SCIN: variants seen among roughly 807,000 people sequenced by gnomAD.
SCIN encodes the protein scinderin, also known as adseverin.
Under a neutral mutation model 91.8 loss-of-function variants are expected in SCIN, and 91 were observed. The ratio of observed to expected loss-of-function variants is 0.99; its 90% CI spans 0.84 to 1.18. The LOEUF is 1.18. Ranked by LOEUF, SCIN falls within the 50% of genes most tolerant of loss-of-function variation. The pLI, the probability that SCIN is intolerant of heterozygous loss-of-function variation, is 0.00. For missense variants in SCIN, 1,087 were observed against 863.9 expected (o/e 1.26, Z -3.24); for synonymous variants, 367 against 312.6 (o/e 1.17, Z -1.84).
intron 4 of SCIN, 111 bp downstream of exon 4, chr7:12,604,774 T>C: frequency 2.8e-5 from 22 of 782,596 alleles, no homozygotes; most frequent in Non-Finnish European, 4.2e-5. Flanking sequence ...GGAAAGAGAT[T>C]CAACACATGT....
chr7:12,598,845 C>T (rs1782896950), intron 3 of SCIN, among the ~76,000 whole-genome samples: 1 of 151,982 alleles, frequency 6.6e-6, no homozygotes, highest in African/African-American at 2.4e-5. Flanking sequence ...GAGGCAGAAG[C>T]TGCAGCGAGC....
At chr7:12,572,359 C>T (rs1782288583) in intron 1 of SCIN, among the ~76,000 whole-genome samples, 2 of 152,188 alleles carry the variant, frequency 1.3e-5, no homozygotes, top group Non-Finnish European at 2.9e-5. Context: ...TTTGTATTTT[C>T]TGCCAGAAAA....
At position 12,622,853 on chromosome 7, in the gene SCIN, T is replaced by C. The variant is rs758097506; in HGVS notation, c.719T>C (p.Ile240Thr). 9.9e-6 allele frequency: 16 copies of C among 1,613,122 alleles called. No homozygotes were observed. The African/African-American group carries it at 1.5e-4, about 15-fold the overall frequency. Residue 240 changes from isoleucine to threonine, a missense_variant, in exon 5 of 16, where the codon ATA (isoleucine) becomes ACA (threonine). Coordinates refer to ENST00000297029, the MANE Select transcript of SCIN (RefSeq NM_001112706.3). ...LPDGGDDDDI[I>T]ADISNRKMAK... ...GATGGAGGTGATGATGATGACATTA[T>C]AGCAGACATAAGTAACAGGAAAATG... is the stretch of plus-strand genomic sequence containing the variant.
At chr7:12,593,345 G>T (rs534480670) in intron 3 of SCIN, among the ~76,000 whole-genome samples, 24 of 152,202 alleles carry the variant, frequency 1.6e-4, no homozygotes, top group Admixed American at 7.2e-4. Context: ...TGAAAGCCAG[G>T]TTAAGGAGGT....
intron 10 of SCIN, among the ~76,000 whole-genome samples, chr7:12,639,921 G>T (rs1783824006): frequency 6.6e-6 from 1 of 152,168 alleles, no homozygotes; most frequent in African/African-American, 2.4e-5. Context: ...TTCTGAACCA[G>T]ATCCAAAACA....
chr7:12,618,837 G>T (rs1783350110), intron 4 of SCIN, among the ~76,000 whole-genome samples: 1 of 152,104 alleles, frequency 6.6e-6, no homozygotes, highest in Non-Finnish European at 1.5e-5. Flanking sequence ...CTTGGAACCT[G>T]TGAGCTGATT....
chr7:12,636,199 A>G, intron 10 of SCIN, 64 bp downstream of exon 10: 2 of 1,144,252 alleles, frequency 1.7e-6, no homozygotes, highest in Non-Finnish European at 2.6e-6. Flanking sequence ...ATGGATAGCT[A>G]TAGCTCCCTC....
chr7:12,598,925 G>C (rs980898427), intron 3 of SCIN, among the ~76,000 whole-genome samples: 2 of 150,698 alleles, frequency 1.3e-5, no homozygotes, highest in African/African-American at 2.4e-5. Flanking sequence ...AAGAGAGAGA[G>C]AAAGAAAAAA....
chr7:12,596,052 GA>G (rs1484025934), intron 3 of SCIN, among the ~76,000 whole-genome samples: 1 of 152,182 alleles, frequency 6.6e-6, no homozygotes, highest in Non-Finnish European at 1.5e-5. Flanking sequence ...GGAAGGAAAA[GA>G]AAGGAACGTA....
chr7:12,588,471 G>C (rs1418856729), intron 3 of SCIN, among the ~76,000 whole-genome samples: 1 of 152,098 alleles, frequency 6.6e-6, no homozygotes, highest in African/African-American at 2.4e-5. Flanking sequence ...AAGGACGAGA[G>C]AGAGACCCAA....
intron 3 of SCIN, among the ~76,000 whole-genome samples, chr7:12,602,981 G>A (rs1392810143): frequency 6.6e-6 from 1 of 152,142 alleles, no homozygotes. Flanking sequence ...AGTGATAAAT[G>A]TCCATGAAAT....
chr7:12,574,833 C>A (rs1417835256), intron 1 of SCIN, among the ~76,000 whole-genome samples: 1 of 152,088 alleles, frequency 6.6e-6, no homozygotes, highest in Non-Finnish European at 1.5e-5. Context: ...GCCTGCGCCT[C>A]ACTATATAAA....
At chr7:12,571,230 G>T in intron 1 of SCIN, 1 of 548,928 alleles carries the variant, frequency 1.8e-6, no homozygotes, top group Non-Finnish European at 3.2e-6. Flanking sequence ...CCTTTGCCAG[G>T]TGTAGTTCCT....
At chr7:12,601,003 A>T (rs1398235375) in intron 3 of SCIN, among the ~76,000 whole-genome samples, 1 of 152,204 alleles carries the variant, frequency 6.6e-6, no homozygotes, top group Non-Finnish European at 1.5e-5. Context: ...AAAGAGGTTA[A>T]AAAGAAGCAA....
rs1310433069 is a variant in SCIN at position 12,626,628 on chromosome 7, G to T, written c.1026G>T (p.Gln342His). 2 of 1,552,314 alleles carry T rather than the reference G, an allele frequency of 1.3e-6. No homozygotes were observed. The highest frequency in any genetic ancestry group is 1.7e-4 in the Middle Eastern group (1 of 5,994). ...GAGGTGAAACACCAATCTTCAAACAGTTTTTTAAGGACTGGAGAGATAAAG... is the reference window on the plus strand; with the variant it reads ...GAGGTGAAACACCAATCTTCAAACATTTTTTTAAGGACTGGAGAGATAAAG... ...PEGGETPIFKQFFKDWRDKDQ... is the reference protein window; with the variant it reads ...PEGGETPIFKHFFKDWRDKDQ... Residue 342 changes from glutamine to histidine, a missense_variant, in exon 8 of 16, where the codon CAG (glutamine) becomes CAT (histidine). Transcript: ENST00000297029.
At chr7:12,648,319 C>T (rs539622991) in intron 13 of SCIN, among the ~76,000 whole-genome samples, 30 of 127,150 alleles carry the variant, frequency 2.4e-4, no homozygotes, top group African/African-American at 6.3e-4. Flanking sequence ...TTTTCTGAGA[C>T]GGAGTCTCAT....
intron 4 of SCIN, among the ~76,000 whole-genome samples, chr7:12,616,503 T>G (rs1783302019): frequency 6.6e-6 from 1 of 152,120 alleles, no homozygotes; most frequent in African/African-American, 2.4e-5. Context: ...AGAAATAAAT[T>G]TATTTTCTTT....
intron 3 of SCIN, among the ~76,000 whole-genome samples, chr7:12,594,618 G>A (rs75731446): frequency 6.7e-4 from 102 of 152,252 alleles, no homozygotes; most frequent in African/African-American, 2.2e-3. Flanking sequence ...AGAGCCTTGC[G>A]ATTGCGGAGG....
intron 10 of SCIN, among the ~76,000 whole-genome samples, chr7:12,639,909 C>T (rs1207235526): frequency 6.6e-6 from 1 of 152,148 alleles, no homozygotes; most frequent in East Asian, 1.9e-4. Context: ...CATCTCTTAA[C>T]CTTCTGAACC....
Sources: gnomAD v4.1 joint callset for allele counts (sites outside exome capture counted in the v4.1 genomes callset) on GRCh38, gnomAD v4.1.1 for gene constraint, MANE v1.5 for transcripts, NCBI Gene and HGNC (gene_info 2026-07-23, HGNC 2026-07-21) for gene names.